Variants in RCAN2 observed in about 807,000 individuals in gnomAD.
RCAN2 encodes the protein calcipressin-2.
Under a neutral mutation model 23.6 loss-of-function variants are expected in RCAN2, and 9 were observed. The ratio of observed to expected loss-of-function variants is 0.38; its 90% CI spans 0.23 to 0.67. RCAN2 has a LOEUF of 0.67. Among genes scored for constraint, RCAN2 ranks in the 30% least tolerant of loss-of-function variants. The probability of loss-of-function intolerance (pLI) is 0.51; values close to 1 mark genes in which losing one functional copy is unlikely to be tolerated. For synonymous variants in RCAN2, 109 were observed against 115.7 expected (o/e 0.94, Z 0.37); for missense variants, 273 against 302.3 (o/e 0.90, Z 0.72).
At chr6:46,482,696 C>T (rs1430978335) in intron 1 of RCAN2, among the ~76,000 whole-genome samples, 2 of 152,120 alleles carry the variant, frequency 1.3e-5, no homozygotes, top group Non-Finnish European at 2.9e-5. Context: ...AAATAACCTT[C>T]TCATAGTATC....
At chr6:46,430,130 G>C (rs1767148259) in intron 2 of RCAN2, among the ~76,000 whole-genome samples, 1 of 152,220 alleles carries the variant, frequency 6.6e-6, no homozygotes, top group Non-Finnish European at 1.5e-5. Context: ...AAGCTTCAAA[G>C]TGAAATGCAT....
Position 46,339,986 on chromosome 6 carries a change from TATAA to T in RCAN2, c.226-91094_226-91091del, listed in dbSNP as rs1195300164. 3.9e-5 allele frequency among the ~76,000 whole-genome samples: 6 copies of T among 152,280 alleles called. No homozygotes were observed. In the South Asian group the frequency reaches 1.0e-3, roughly 26 times the overall value. On this transcript the variant is annotated intron_variant, in intron 2 of 4. Coordinates refer to ENST00000371374, the MANE Select transcript of RCAN2 (RefSeq NM_001251974.2). ...TTACAGCTGCTGCCCCACTAGATGG[TATAA>T]ATAATTTATTTATCCTTGTATCCTC...
At chr6:46,317,185 T>C (rs753402827) in intron 2 of RCAN2, among the ~76,000 whole-genome samples, 2 of 152,112 alleles carry the variant, frequency 1.3e-5, no homozygotes, top group Non-Finnish European at 2.9e-5. Context: ...TCCAGAAAAC[T>C]TTTCTTTTTC....
chr6:46,309,758 C>A (rs1030634054), intron 2 of RCAN2, among the ~76,000 whole-genome samples: 1 of 152,116 alleles, frequency 6.6e-6, no homozygotes, highest in African/African-American at 2.4e-5. Context: ...CCAGTGATAC[C>A]AGCTCTACCA....
intron 2 of RCAN2, among the ~76,000 whole-genome samples, chr6:46,330,795 T>C (rs1763942254): frequency 6.6e-6 from 1 of 152,248 alleles, no homozygotes; most frequent in South Asian, 2.1e-4. Context: ...TGAAGCCATG[T>C]TATTTGTCTT....
chr6:46,231,937 G>T (rs1223006479), intron 4 of RCAN2, among the ~76,000 whole-genome samples: 1 of 152,204 alleles, frequency 6.6e-6, no homozygotes, highest in Non-Finnish European at 1.5e-5. Flanking sequence ...CAGAGAAATA[G>T]AACCAGCCAC....
intron 2 of RCAN2, among the ~76,000 whole-genome samples, chr6:46,384,689 A>C (rs376881681): frequency 6.6e-5 from 10 of 152,248 alleles, no homozygotes; most frequent in African/African-American, 2.4e-4. Context: ...ATATTGTATG[A>C]TTACATTTAC....
At chr6:46,490,594 G>T (rs1279891058) in intron 1 of RCAN2, among the ~76,000 whole-genome samples, 1 of 152,100 alleles carries the variant, frequency 6.6e-6, no homozygotes, top group Non-Finnish European at 1.5e-5. Context: ...GGCACACTGC[G>T]CTCCGCTCCA....
intron 2 of RCAN2, among the ~76,000 whole-genome samples, chr6:46,283,515 A>G (rs1561842023): frequency 6.6e-6 from 1 of 152,096 alleles, no homozygotes; most frequent in Admixed American, 6.6e-5. Flanking sequence ...AATATTAGCC[A>G]GGGCCCAGAG....
chr6:46,473,884 A>C (rs1200742187), intron 1 of RCAN2, among the ~76,000 whole-genome samples: 1 of 152,200 alleles, frequency 6.6e-6, no homozygotes, highest in Non-Finnish European at 1.5e-5. Flanking sequence ...TTTAACTTTT[A>C]AGTCTTACAT....
At chr6:46,458,117 T>C (rs1053649173) in intron 1 of RCAN2, among the ~76,000 whole-genome samples, 1 of 152,190 alleles carries the variant, frequency 6.6e-6, no homozygotes, top group Non-Finnish European at 1.5e-5. Context: ...TACTGAATCA[T>C]CTTCAGGAAG....
intron 2 of RCAN2, among the ~76,000 whole-genome samples, chr6:46,388,842 T>G (rs1206016269): frequency 2.6e-5 from 4 of 152,040 alleles, no homozygotes; most frequent in African/African-American, 7.2e-5. Context: ...AAATAGCTAA[T>G]GCATGTGGGG....
At chr6:46,357,998 C>T (rs1764893813) in intron 2 of RCAN2, among the ~76,000 whole-genome samples, 2 of 152,174 alleles carry the variant, frequency 1.3e-5, no homozygotes, top group Admixed American at 1.3e-4. Context: ...TTGGAAAAAT[C>T]TATCCGGTCA....
At chr6:46,452,855 G>C (rs1367526464) in intron 2 of RCAN2, among the ~76,000 whole-genome samples, 1 of 152,140 alleles carries the variant, frequency 6.6e-6, no homozygotes, top group East Asian at 1.9e-4. Flanking sequence ...GTTGATGGGT[G>C]TAGCAAACCA....
chr6:46,425,899 T>TC (rs1554140680), intron 2 of RCAN2, among the ~76,000 whole-genome samples: 1 of 146,856 alleles, frequency 6.8e-6, no homozygotes, highest in African/African-American at 2.5e-5. Flanking sequence ...TTTCTTTCTT[T>TC]TTTTTTTTTT....
chr6:46,403,221 T>TC (rs1411955668), intron 2 of RCAN2, among the ~76,000 whole-genome samples: 1 of 151,978 alleles, frequency 6.6e-6, no homozygotes, highest in African/African-American at 2.4e-5. Context: ...CACCTCAGCC[T>TC]CCCAAAGTGC....
chr6:46,367,944 T>C (rs181628406), intron 2 of RCAN2, among the ~76,000 whole-genome samples: 1 of 152,342 alleles, frequency 6.6e-6, no homozygotes, highest in African/African-American at 2.4e-5. Context: ...CCAACAAACT[T>C]GTCTCTACTC....
intron 2 of RCAN2, among the ~76,000 whole-genome samples, chr6:46,411,132 G>T (rs987207720): frequency 2.0e-5 from 3 of 152,174 alleles, no homozygotes; most frequent in African/African-American, 7.2e-5. Context: ...GCCCATACAG[G>T]GATGAATGGA....
intron 2 of RCAN2, among the ~76,000 whole-genome samples, chr6:46,254,029 TC>T (rs1333915445): frequency 6.6e-6 from 1 of 152,212 alleles, no homozygotes; most frequent in Non-Finnish European, 1.5e-5. Flanking sequence ...CAGAACATCT[TC>T]CTGAGGTTAA....
Sources: allele counts gnomAD v4.1 joint callset (sites outside exome capture counted in the v4.1 genomes callset), GRCh38; gene constraint gnomAD v4.1.1; transcripts MANE v1.5; gene names NCBI Gene and HGNC (gene_info 2026-07-23, HGNC 2026-07-21).